SUSD1: variants seen among roughly 807,000 people sequenced by gnomAD.
The protein encoded by SUSD1 is sushi domain-containing protein 1.
Under a neutral mutation model 86.9 loss-of-function variants are expected in SUSD1, and 65 were observed. The observed-to-expected ratio is 0.75, with a 90% CI of 0.61 to 0.92. The LOEUF is 0.92. Ranked by LOEUF, SUSD1 falls within the 40% of genes least tolerant of loss-of-function variation. The pLI is 0.00. For missense variants in SUSD1, 850 were observed against 929.7 expected (o/e 0.91, Z 1.11); for synonymous variants, 346 against 350.0 (o/e 0.99, Z 0.13).
At chr9:112,141,491 A>G (rs1832560799) in intron 5 of SUSD1, among the ~76,000 whole-genome samples, 1 of 151,994 alleles carries the variant, frequency 6.6e-6, no homozygotes, top group Non-Finnish European at 1.5e-5. Flanking sequence ...AGCCTGGCCA[A>G]CACGGTGAAA....
intron 3 of SUSD1, among the ~76,000 whole-genome samples, chr9:112,143,858 G>A (rs930274080): frequency 6.6e-6 from 1 of 152,256 alleles, no homozygotes; most frequent in South Asian, 2.1e-4. Context: ...TTGTCAGTGT[G>A]TTCTGGGATT....
At chr9:112,077,148 C>T (rs1221516339) in intron 12 of SUSD1, among the ~76,000 whole-genome samples, 1 of 151,982 alleles carries the variant, frequency 6.6e-6, no homozygotes, top group African/African-American at 2.4e-5. Context: ...ACATGCTAGG[C>T]AATGCTGGGG....
chr9:112,084,462 A>G (rs1402618597), intron 10 of SUSD1, among the ~76,000 whole-genome samples: 2 of 152,280 alleles, frequency 1.3e-5, no homozygotes, highest in Middle Eastern at 3.4e-3. Context: ...ACACACACAC[A>G]TATGCTCAAG....
At chr9:112,063,083 C>G (rs750222695) in intron 12 of SUSD1, 50 bp from the exon 13 acceptor site, 2 of 1,226,766 alleles carry the variant, frequency 1.6e-6, no homozygotes, top group Non-Finnish European at 2.4e-6. Context: ...AACAAGTAAA[C>G]AGCAGGACAA....
chr9:112,072,140 C>CTTTTTTTTTTTTTTTT, intron 12 of SUSD1, among the ~76,000 whole-genome samples: 28 of 121,158 alleles, frequency 2.3e-4, no homozygotes, highest in Admixed American at 2.8e-4. Flanking sequence ...CTTTCTTTCT[C>CTTTTTTTTTTTTTTTT]TTTTTTTTTT....
chr9:112,100,570 A>G (rs1830592245), intron 9 of SUSD1, among the ~76,000 whole-genome samples: 1 of 151,920 alleles, frequency 6.6e-6, no homozygotes, highest in African/African-American at 2.4e-5. Context: ...AGTAGCTCAC[A>G]CCTGTAATCC....
At chr9:112,118,076 T>TC (rs1831403667) in intron 6 of SUSD1, among the ~76,000 whole-genome samples, 1 of 152,222 alleles carries the variant, frequency 6.6e-6, no homozygotes, top group Admixed American at 6.5e-5. Flanking sequence ...CAATTTTATA[T>TC]CCTTTTTCTT....
At chr9:112,070,475 T>A (rs1053569405) in intron 12 of SUSD1, among the ~76,000 whole-genome samples, 2 of 152,216 alleles carry the variant, frequency 1.3e-5, no homozygotes, top group Non-Finnish European at 2.9e-5. Flanking sequence ...AGACCTGCTC[T>A]CCTTTCCATC....
intron 12 of SUSD1, 66 bp from the exon 13 acceptor site, chr9:112,063,099 G>A (rs1828808632): frequency 1.0e-6 from 1 of 970,932 alleles, no homozygotes; most frequent in Non-Finnish European, 1.7e-6. Flanking sequence ...GACAAAAGAG[G>A]TCCTCGTGAG....
intron 15 of SUSD1, chr9:112,052,141 A>G (rs983801384): frequency 7.1e-7 from 1 of 1,413,110 alleles, no homozygotes; most frequent in Non-Finnish European, 9.2e-7. Context: ...AGAAAAATAG[A>G]AAGTCCCACT....
intron 4 of SUSD1, among the ~76,000 whole-genome samples, chr9:112,142,902 G>C (rs1832639709): frequency 7.5e-6 from 1 of 132,826 alleles, no homozygotes. Flanking sequence ...TAACATAGTA[G>C]TTAATATCGG....
In SUSD1 at chr9:112,175,037, CGGCCCAGG is replaced by C; in HGVS notation, c.103+88_103+95del. 1.1e-6 allele frequency: 1 copy of C among 936,404 alleles called. No individual in the cohort carries two copies. The highest frequency in any genetic ancestry group is 1.8e-5 in the African/African-American group (1 of 56,224). The allele number at this position is 936,404 out of a possible 1,614,324, so 58.0% of individuals were successfully genotyped here. On this transcript the variant is annotated intron_variant, in intron 1 of 16. Coordinates refer to ENST00000374270, the MANE Select transcript of SUSD1 (RefSeq NM_022486.5). This position sits in a 1 kb window ranked among gnomAD's most constrained non-coding sequence, Gnocchi z 4.7. ...CCCACGCCTCGGCACCGCGCCGGCC[CGGCCCAGG>C]GGCGGGGAAGCGTCCGTGCGCCCAG...
At chr9:112,075,776 A>G (rs1404982635) in intron 12 of SUSD1, among the ~76,000 whole-genome samples, 1 of 152,218 alleles carries the variant, frequency 6.6e-6, no homozygotes, top group Non-Finnish European at 1.5e-5. Flanking sequence ...TTTTATTAAT[A>G]TGAAGCTCTA....
chr9:112,072,140 C>CTTTTTT, intron 12 of SUSD1, among the ~76,000 whole-genome samples: 95 of 121,148 alleles, frequency 7.8e-4, no homozygotes, highest in Non-Finnish European at 9.9e-4. Flanking sequence ...CTTTCTTTCT[C>CTTTTTT]TTTTTTTTTT....
Position 112,126,055 on chromosome 9 carries a change from C to T in SUSD1, c.707-1619G>A, listed in dbSNP as rs75496980. On this transcript the variant is annotated intron_variant, in intron 5 of 16. Transcript: ENST00000374270. ...GTTTTCCCAGCATCAAACCTTTAGA[C>T]GTATTTAATGGCCCAAGGCATTCCA... Among the ~76,000 whole-genome samples, 1,015 of 152,312 alleles carry T rather than the reference C, an allele frequency of 6.7e-3. 20 individuals are homozygous for T. The highest frequency in any genetic ancestry group is 0.023 in the African/African-American group (954 of 41,562).
chr9:112,086,306 C>CA (rs34768628), intron 10 of SUSD1, among the ~76,000 whole-genome samples: 20,877 of 89,516 alleles, frequency 0.23, 1,882 homozygotes, highest in East Asian at 0.32. Context: ...GACCTTGCCT[C>CA]AAAAAAAAAA....
rs1263062918 is a variant in SUSD1 at position 112,094,501 on chromosome 9, A to C, written c.1474+3969T>G. On this transcript the variant is annotated intron_variant, in intron 10 of 16. Transcript: ENST00000374270. ...AGTAGAAAAAAAGTCCAGTGGAATTATTACAAACTCAAATGCTAAAAAGAA... is the reference window on the plus strand; with the variant it reads ...AGTAGAAAAAAAGTCCAGTGGAATTCTTACAAACTCAAATGCTAAAAAGAA... Among the ~76,000 whole-genome samples the C allele has an allele frequency of 3.3e-5, 5 of 152,332 alleles. No individual in the cohort carries two copies. The East Asian group carries it at 7.7e-4, about 23-fold the overall frequency.
At chr9:112,042,161 T>C (rs1827769955) in intron 15 of SUSD1, 1 of 1,537,600 alleles carries the variant, frequency 6.5e-7, no homozygotes, top group Admixed American at 2.0e-5. Flanking sequence ...AGTTACAAGG[T>C]ATTTCTGAAA....
intron 4 of SUSD1, 139 bp downstream of exon 4, chr9:112,143,332 C>CTT: frequency 1.2e-6 from 1 of 833,156 alleles, no homozygotes; most frequent in East Asian, 2.7e-5. Flanking sequence ...TTGTTATTTG[C>CTT]TTTATGTCAT....
Sources: gnomAD v4.1 joint callset for allele counts (sites outside exome capture counted in the v4.1 genomes callset) on GRCh38, gnomAD v4.1.1 for gene constraint, Gnocchi (gnomAD v3.1) non-coding constraint, MANE v1.5 for transcripts, NCBI Gene and HGNC (gene_info 2026-07-23, HGNC 2026-07-21) for gene names.